TIMP2: variants seen among roughly 807,000 people sequenced by gnomAD.
TIMP2 encodes the protein metalloproteinase inhibitor 2.
In TIMP2, 5 loss-of-function variants were observed where a neutral mutation model predicts 24.3. That is an observed-to-expected ratio of 0.21 (90% CI 0.11 to 0.43). TIMP2 has a LOEUF of 0.43. TIMP2 is among the 20% of genes least tolerant of loss of function. The pLI is 1.00. For synonymous variants in TIMP2, 130 were observed against 123.2 expected (o/e 1.06, Z -0.37); for missense variants, 221 against 297.5 (o/e 0.74, Z 1.89).
At chr17:78,894,637 C>T (rs2069968998) in intron 1 of TIMP2, among the ~76,000 whole-genome samples, 1 of 152,022 alleles carries the variant, frequency 6.6e-6, no homozygotes, top group Non-Finnish European at 1.5e-5. Flanking sequence ...CCTTATCTCA[C>T]CCTATATACA....
rs1460343370 is a variant in TIMP2, at chr17:78,896,186, C to G, written c.131-22267G>C. On this transcript the variant is annotated intron_variant, in intron 1 of 4. Transcript: ENST00000262768. The surrounding 1 kb of genome is among the most constrained non-coding windows in gnomAD (Gnocchi z 4.4). The stretch of plus-strand genomic sequence containing the variant: ...GCTCTCCTTGCTCTCCCCTCTGAGA[C>G]CCTCCCCACTTACTAACTTGAGGCA... 6.6e-6 allele frequency among the ~76,000 whole-genome samples: 1 copy of G among 152,214 alleles called. No homozygotes were observed. Among genetic ancestry groups the G allele is most frequent in the East Asian group, 1.9e-4 (1 of 5,196 alleles).
At chr17:78,858,645 T>G (rs909028871) in intron 3 of TIMP2, among the ~76,000 whole-genome samples, 2 of 152,138 alleles carry the variant, frequency 1.3e-5, no homozygotes, top group Admixed American at 1.3e-4. Context: ...CTCAGTCTCC[T>G]GAATAGCTGG....
intron 3 of TIMP2, among the ~76,000 whole-genome samples, chr17:78,866,033 T>C (rs566784921): frequency 6.6e-6 from 1 of 152,308 alleles, no homozygotes; most frequent in Non-Finnish European, 1.5e-5. Context: ...AAACTGGAAG[T>C]AAGTTCCCTG....
At chr17:78,921,130 T>A (rs115577618) in intron 1 of TIMP2, among the ~76,000 whole-genome samples, 149 of 152,376 alleles carry the variant, frequency 9.8e-4, no homozygotes, top group African/African-American at 3.5e-3. Context: ...CCTGAGCACG[T>A]GTCCTGAAGA....
In TIMP2 at chr17:78,862,208, G is replaced by A. The variant is rs188491713; in HGVS notation, c.341-4562C>T. On this transcript the variant is annotated intron_variant, in intron 3 of 4. Coordinates refer to ENST00000262768, the MANE Select transcript of TIMP2 (RefSeq NM_003255.5). ...TCATCGGTCCAGGAGGAGGTGGCCCGCTCAGGCCATGCGGTCACTCACTGG... is the reference window on the plus strand; with the variant it reads ...TCATCGGTCCAGGAGGAGGTGGCCCACTCAGGCCATGCGGTCACTCACTGG... Among the ~76,000 whole-genome samples, 191 of 152,332 alleles carry A rather than the reference G, an allele frequency of 1.3e-3. 1 individual carries two copies. Among genetic ancestry groups the A allele is most frequent in the African/African-American group, 4.4e-3 (184 of 41,572 alleles).
intron 3 of TIMP2, among the ~76,000 whole-genome samples, chr17:78,858,258 C>A (rs773510763): frequency 1.2e-4 from 18 of 151,858 alleles, no homozygotes; most frequent in Non-Finnish European, 2.4e-4. Context: ...CTGGCTAACA[C>A]GGTGAAACCC....
At position 78,891,320 on chromosome 17, in the gene TIMP2, A is replaced by G. The variant is rs370021580; in HGVS notation, c.131-17401T>C. On this transcript the variant is annotated intron_variant, in intron 1 of 4. Transcript: ENST00000262768. This position sits in a 1 kb window ranked among gnomAD's most constrained non-coding sequence, Gnocchi z 4.5. ...GGCAGGCAGCATCTCTGGGTCTGCC[A>G]TTTTCTTCCCTCTTGGGGTCCCAGC... The G allele has an allele frequency of 3.2e-5, 49 of 1,550,080 alleles. 3 individuals are homozygous for G. The highest frequency in any genetic ancestry group is 1.5e-4 in the East Asian group (6 of 40,892).
intron 2 of TIMP2, among the ~76,000 whole-genome samples, chr17:78,873,362 G>A (rs563130120): frequency 2.7e-4 from 40 of 148,744 alleles, no homozygotes; most frequent in South Asian, 6.4e-4. Context: ...GGAATACAGT[G>A]GTGAGATGTC....
In TIMP2 at chr17:78,920,772, AC is replaced by A. The variant is rs1424559637; in HGVS notation, c.130+4186del. ...ACCACACTGAGTGGACTGACTTTAT[AC>A]CACACCTGGGCAGTTGAGGAGGGGA... On this transcript the variant is annotated intron_variant, in intron 1 of 4. Coordinates refer to ENST00000262768, the MANE Select transcript of TIMP2 (RefSeq NM_003255.5). The surrounding 1 kb of genome is among the most constrained non-coding windows in gnomAD (Gnocchi z 4.5). Among the ~76,000 whole-genome samples, 1 of 152,028 alleles carries A rather than the reference AC, an allele frequency of 6.6e-6. No individual in the cohort carries two copies. The highest frequency in any genetic ancestry group is 1.5e-5 in the Non-Finnish European group (1 of 68,016).
chr17:78,872,335 A>G (rs1306778932), intron 2 of TIMP2, among the ~76,000 whole-genome samples: 2 of 152,072 alleles, frequency 1.3e-5, no homozygotes, highest in Non-Finnish European at 2.9e-5. Flanking sequence ...CTTGATGGCA[A>G]TGAGAGCAGA....
intron 2 of TIMP2, among the ~76,000 whole-genome samples, chr17:78,871,852 A>T (rs2069688265): frequency 6.6e-6 from 1 of 151,656 alleles, no homozygotes; most frequent in Non-Finnish European, 1.5e-5. Flanking sequence ...TCAAAAAAAA[A>T]AAAAAAGACT....
chr17:78,887,219 C>T (rs2069832406), intron 1 of TIMP2, among the ~76,000 whole-genome samples: 1 of 152,160 alleles, frequency 6.6e-6, no homozygotes, highest in Admixed American at 6.5e-5. Flanking sequence ...TTCTCAGAGG[C>T]GTGCACTTGG....
chr17:78,892,575 C>T, intron 1 of TIMP2: 3 of 1,438,300 alleles, frequency 2.1e-6, no homozygotes, highest in Non-Finnish European at 2.8e-6. Context: ...AAATGTGCCC[C>T]TCCAAGCTCT....
intron 3 of TIMP2, among the ~76,000 whole-genome samples, chr17:78,865,714 C>G (rs778931290): frequency 6.6e-6 from 1 of 151,912 alleles, no homozygotes; most frequent in Non-Finnish European, 1.5e-5. Flanking sequence ...ACTGCTTGAA[C>G]CCGGGAGGCA....
At chr17:78,908,122 G>A (rs963180656) in intron 1 of TIMP2, among the ~76,000 whole-genome samples, 26 of 152,122 alleles carry the variant, frequency 1.7e-4, no homozygotes, top group Admixed American at 2.6e-4. Context: ...GTGACAAAGC[G>A]AGACACTGTC....
rs1476219783 is a variant in TIMP2 at position 78,855,950 on chromosome 17, G to C, written c.466-86C>G. ...TGCTCTGGGGGCATGTCCAGAACCCGGCAATGTGCCTACCTGTCATGTGCA... is the reference window on the plus strand; with the variant it reads ...TGCTCTGGGGGCATGTCCAGAACCCCGCAATGTGCCTACCTGTCATGTGCA... On this transcript the variant is annotated intron_variant, in intron 4 of 4. Coordinates refer to ENST00000262768, the MANE Select transcript of TIMP2 (RefSeq NM_003255.5). This position sits in a 1 kb window ranked among gnomAD's most constrained non-coding sequence, Gnocchi z 6.0. The C allele has an allele frequency of 7.4e-7, 1 of 1,357,658 alleles. No individual in the cohort carries two copies. The highest frequency in any genetic ancestry group is 1.0e-6 in the Non-Finnish European group (1 of 958,286). 84.1% of individuals were successfully genotyped at this position (1,357,658 alleles called of 1,614,324 possible).
At chr17:78,868,687 T>C (rs1440827866) in intron 3 of TIMP2, among the ~76,000 whole-genome samples, 1 of 152,166 alleles carries the variant, frequency 6.6e-6, no homozygotes, top group Non-Finnish European at 1.5e-5. Context: ...TTTACATTTA[T>C]ACTAAAATTA....
Position 78,857,680 on chromosome 17 carries a change from G to A in TIMP2, c.341-34C>T, listed in dbSNP as rs781482470. ...AGACGGGGATCACCGAGCTCAGGGA[G>A]AGGGAAAAGTCCTCCTCCTGCCCAG... is the stretch of plus-strand genomic sequence containing the variant. On this transcript the variant is annotated intron_variant, in intron 3 of 4. Coordinates refer to ENST00000262768, the MANE Select transcript of TIMP2 (RefSeq NM_003255.5). 9 of 1,613,188 alleles carry A rather than the reference G, an allele frequency of 5.6e-6. No individual in the cohort carries two copies. The African/African-American group carries it at 1.1e-4, about 19-fold the overall frequency.
At chr17:78,884,668 G>A (rs918617236) in intron 1 of TIMP2, among the ~76,000 whole-genome samples, 3 of 152,064 alleles carry the variant, frequency 2.0e-5, no homozygotes, top group South Asian at 2.1e-4. Context: ...GTGTAGCCCC[G>A]TCTCCAGCTG....
Sources: gnomAD v4.1 joint callset for allele counts (sites outside exome capture counted in the v4.1 genomes callset) on GRCh38, gnomAD v4.1.1 for gene constraint, Gnocchi (gnomAD v3.1) non-coding constraint, MANE v1.5 for transcripts, NCBI Gene and HGNC (gene_info 2026-07-23, HGNC 2026-07-21) for gene names.